Variants in RGS6 observed in about 807,000 individuals in gnomAD.
The protein encoded by RGS6 is regulator of G protein signaling 6, also known as regulator of G-protein signaling 6.
RGS6 carries 30 observed loss-of-function variants against 78.5 expected under a neutral mutation model. The observed-to-expected ratio is 0.38, with a 90% CI of 0.29 to 0.52. The LOEUF (loss-of-function observed/expected upper bound fraction) is 0.52. Among genes scored for constraint, RGS6 ranks in the 20% least tolerant of loss-of-function variants. The pLI is 0.85. For missense variants in RGS6, 495 were observed against 609.7 expected, an observed-to-expected ratio of 0.81 and a Z score of 1.98; for synonymous variants, 206 against 206.0, an observed-to-expected ratio of 1.00 and a Z score of 0.00.
chr14:72,555,045 C>A (rs1396880195), intron 17 of RGS6, among the ~76,000 whole-genome samples: 1 of 152,230 alleles, frequency 6.6e-6, no homozygotes. Flanking sequence ...CCAGGAACAC[C>A]AGCAGGGAGG....
At chr14:71,906,471 C>T in the RGS6 span, among the ~76,000 whole-genome samples, 1 of 152,144 alleles carries the variant, frequency 6.6e-6, no homozygotes, top group Non-Finnish European at 1.5e-5. Context: ...AACCAACCTC[C>T]CTTTGCCTAG....
chr14:72,264,606 A>G (rs1223477235), intron 2 of RGS6, among the ~76,000 whole-genome samples: 1 of 152,238 alleles, frequency 6.6e-6, no homozygotes, highest in African/African-American at 2.4e-5. Context: ...TTTTCATAAA[A>G]GGATTTTCCA....
chr14:71,881,495 A>G, the RGS6 span, among the ~76,000 whole-genome samples: 1 of 152,282 alleles, frequency 6.6e-6, no homozygotes, highest in African/African-American at 2.4e-5. Context: ...TCATGGGGGC[A>G]GTTTCCCCCA....
At chr14:71,951,021 C>G (rs2092261458) in intron 1 of RGS6, among the ~76,000 whole-genome samples, 1 of 152,044 alleles carries the variant, frequency 6.6e-6, no homozygotes, top group Non-Finnish European at 1.5e-5. Flanking sequence ...GACCTAGAGG[C>G]AGAAATACCA....
At chr14:72,519,672 C>A (rs1437477343) in intron 15 of RGS6, among the ~76,000 whole-genome samples, 3 of 152,224 alleles carry the variant, frequency 2.0e-5, no homozygotes, top group South Asian at 4.1e-4. Flanking sequence ...CCTTCATATA[C>A]CCCTTGCAGC....
chr14:71,895,402 G>C, the RGS6 span, among the ~76,000 whole-genome samples: 2 of 151,498 alleles, frequency 1.3e-5, no homozygotes, highest in Non-Finnish European at 2.9e-5. Flanking sequence ...GGCCAGACTG[G>C]TCTCAAACTC....
chr14:72,101,617 G>A (rs2095530164), intron 2 of RGS6, among the ~76,000 whole-genome samples: 1 of 152,130 alleles, frequency 6.6e-6, no homozygotes, highest in Admixed American at 6.5e-5. Flanking sequence ...TTGCTGCCTG[G>A]GAAAGGTGTA....
chr14:72,221,581 G>A (rs545532193), intron 2 of RGS6, among the ~76,000 whole-genome samples: 2 of 152,214 alleles, frequency 1.3e-5, no homozygotes, highest in South Asian at 4.1e-4. Context: ...TTAAACCCCT[G>A]AACAAGTGAC....
intron 2 of RGS6, among the ~76,000 whole-genome samples, chr14:71,999,572 T>C (rs1382474629): frequency 3.5e-5 from 5 of 143,416 alleles, no homozygotes; most frequent in African/African-American, 1.2e-4. Context: ...ATAACCTCAA[T>C]GTTGGAGGTG....
At chr14:72,205,836 A>C (rs926860981) in intron 2 of RGS6, among the ~76,000 whole-genome samples, 5 of 152,242 alleles carry the variant, frequency 3.3e-5, no homozygotes, top group African/African-American at 1.2e-4. Context: ...CCACTGACCA[A>C]AATTACATTG....
At chr14:72,466,065 T>C (rs1367384371) in intron 7 of RGS6, among the ~76,000 whole-genome samples, 1 of 152,176 alleles carries the variant, frequency 6.6e-6, no homozygotes, top group African/African-American at 2.4e-5. Context: ...AACTTAAAAA[T>C]AGGCTAATGA....
intron 3 of RGS6, among the ~76,000 whole-genome samples, chr14:72,352,902 A>G (rs1054233795): frequency 1.3e-5 from 2 of 152,212 alleles, no homozygotes; most frequent in Admixed American, 1.3e-4. Flanking sequence ...TTTGCTATCC[A>G]AACAAGTAAC....
chr14:72,541,031 G>A (rs2097319090), intron 17 of RGS6: 1 of 1,311,668 alleles, frequency 7.6e-7, no homozygotes, highest in Non-Finnish European at 1.0e-6. Context: ...ATTGAGCTCA[G>A]TGCACAAGAA....
intron 3 of RGS6, among the ~76,000 whole-genome samples, chr14:72,393,560 A>G (rs1377528904): frequency 6.6e-6 from 1 of 152,182 alleles, no homozygotes; most frequent in African/African-American, 2.4e-5. Flanking sequence ...AGTAGAACCC[A>G]AGTCTCCCAA....
At chr14:72,601,004 G>A in the RGS6 span, among the ~76,000 whole-genome samples, 2 of 139,136 alleles carry the variant, frequency 1.4e-5, no homozygotes, top group African/African-American at 5.3e-5. Flanking sequence ...AGGAGGAGGG[G>A]GGAGAGGAGG....
the RGS6 span, among the ~76,000 whole-genome samples, chr14:71,913,378 C>T: frequency 6.6e-6 from 1 of 152,212 alleles, no homozygotes; most frequent in Non-Finnish European, 1.5e-5. Context: ...CTGGAAGCTG[C>T]ACTCCCCAGT....
the RGS6 span, among the ~76,000 whole-genome samples, chr14:71,877,768 T>C: frequency 0.02 from 3,107 of 152,330 alleles, 106 homozygotes; most frequent in African/African-American, 0.071. Context: ...CTCTGATTTT[T>C]AGAATTTTCA....
chr14:71,886,649 G>A, the RGS6 span, among the ~76,000 whole-genome samples: 1 of 152,196 alleles, frequency 6.6e-6, no homozygotes, highest in African/African-American at 2.4e-5. Context: ...TGTAATTTTG[G>A]TGAACTGCAT....
the RGS6 span, among the ~76,000 whole-genome samples, chr14:72,608,396 T>C: frequency 1.3e-5 from 2 of 152,186 alleles, no homozygotes; most frequent in Non-Finnish European, 2.9e-5. Context: ...TAGGGGCAGA[T>C]GTGTCCTCTG....
Sources: gnomAD v4.1 joint callset for allele counts (sites outside exome capture counted in the v4.1 genomes callset) on GRCh38, gnomAD v4.1.1 for gene constraint, MANE v1.5 for transcripts, NCBI Gene and HGNC (gene_info 2026-07-23, HGNC 2026-07-21) for gene names.